The following FAAH2 variants were observed in gnomAD, a reference collection of about 807,000 sequenced individuals.
FAAH2 encodes fatty-acid amide hydrolase 2.
Under a neutral mutation model 36.9 loss-of-function variants are expected in FAAH2, and 60 were observed. That is an observed-to-expected ratio of 1.63 (90% CI 1.32 to 2.02). The LOEUF (loss-of-function observed/expected upper bound fraction) is 2.02, where lower values mean the gene tolerates loss of function less well. FAAH2 is among the 30% of genes most tolerant of loss of function. FAAH2 has a pLI of 0.00. For missense variants in FAAH2, 689 were observed against 397.5 expected (o/e 1.73, Z -6.23); for synonymous variants, 214 against 143.8 (o/e 1.49, Z -3.49).
the FAAH2 span, among the ~76,000 whole-genome samples, chrX:57,241,831 A>G: frequency 9.0e-6 from 1 of 111,566 alleles, no homozygotes; most frequent in African/African-American, 3.3e-5. Context: ...ACTTAGAATA[A>G]TGGCCTCCGG....
the FAAH2 span, among the ~76,000 whole-genome samples, chrX:57,277,602 G>T: frequency 9.0e-6 from 1 of 111,639 alleles, no homozygotes; most frequent in Non-Finnish European, 1.9e-5. Flanking sequence ...GAAATAAAGG[G>T]TATTCAATTA....
At chrX:57,284,396 A>AC (rs2051781778), upstream of FAAH2, among the ~76,000 whole-genome samples, 1 of 107,108 alleles carries the variant, frequency 9.3e-6, no homozygotes, top group African/African-American at 3.5e-5. Flanking sequence ...TAACAAAACA[A>AC]AACAACAACA....
At chrX:57,160,880 G>A in the FAAH2 span, among the ~76,000 whole-genome samples, 1 of 111,765 alleles carries the variant, frequency 8.9e-6, no homozygotes, top group Admixed American at 9.5e-5. Context: ...TCTGATCTTA[G>A]TTATTTCTTG....
intron 2 of FAAH2, among the ~76,000 whole-genome samples, chrX:57,308,316 T>C (rs901827892): frequency 1.3e-4 from 15 of 111,647 alleles, no homozygotes; most frequent in South Asian, 1.1e-3. Context: ...CTTTTAATAA[T>C]AGCCATTCTG....
chrX:57,394,198 G>A, intron 7 of FAAH2: 1 of 654,918 alleles, frequency 1.5e-6, no homozygotes, highest in Non-Finnish European at 2.6e-6. Flanking sequence ...TTCCAAAGGT[G>A]GGGCCCTGAG....
chrX:57,468,317 C>A (rs186264612), intron 10 of FAAH2, among the ~76,000 whole-genome samples: 546 of 111,431 alleles, frequency 4.9e-3, no homozygotes, highest in Middle Eastern at 0.014. Flanking sequence ...GGAGCAAGTT[C>A]GAACCCAATG....
the FAAH2 span, among the ~76,000 whole-genome samples, chrX:57,267,539 C>T: frequency 1.8e-5 from 2 of 112,518 alleles, no homozygotes; most frequent in Non-Finnish European, 3.8e-5. Context: ...ATAACCCCAA[C>T]CCTTGGCTGC....
intron 10 of FAAH2, among the ~76,000 whole-genome samples, chrX:57,456,581 T>A (rs1325780388): frequency 9.0e-6 from 1 of 111,521 alleles, no homozygotes; most frequent in Non-Finnish European, 1.9e-5. Flanking sequence ...AAGATCCAAA[T>A]GAGCACAATG....
chrX:57,266,106 A>G, the FAAH2 span, among the ~76,000 whole-genome samples: 1 of 111,745 alleles, frequency 8.9e-6, no homozygotes, highest in East Asian at 2.8e-4. Flanking sequence ...CTATGAAAAC[A>G]TGGCCAGACT....
intron 8 of FAAH2, 56 bp from the exon 9 acceptor site, chrX:57,446,872 G>A (rs1157160003): frequency 1.1e-6 from 1 of 895,086 alleles, no homozygotes; most frequent in Non-Finnish European, 1.6e-6. Context: ...AGGTGTTTTG[G>A]TCTTTACTAT....
chrX:57,200,002 T>G, the FAAH2 span, among the ~76,000 whole-genome samples: 1 of 111,877 alleles, frequency 8.9e-6, no homozygotes, highest in Non-Finnish European at 1.9e-5. Flanking sequence ...GTGTTTCTTG[T>G]AGGCAACAGA....
intron 4 of FAAH2, among the ~76,000 whole-genome samples, chrX:57,335,111 C>T (rs1274556739): frequency 8.9e-6 from 1 of 111,991 alleles, no homozygotes; most frequent in Non-Finnish European, 1.9e-5. Flanking sequence ...TAAAACATTC[C>T]TCATTAAATG....
chrX:57,274,201 C>A, the FAAH2 span, among the ~76,000 whole-genome samples: 1 of 111,923 alleles, frequency 8.9e-6, no homozygotes, highest in Admixed American at 9.5e-5. Context: ...CCTCACAAGT[C>A]TAAGTCAGAA....
At chrX:57,199,595 A>G in the FAAH2 span, among the ~76,000 whole-genome samples, 4 of 111,737 alleles carry the variant, frequency 3.6e-5, no homozygotes, top group African/African-American at 1.3e-4. Context: ...TATTAGGTCT[A>G]TTTGGTCTAT....
At chrX:57,331,525 A>C (rs975555239) in intron 3 of FAAH2, 73 bp from the exon 4 acceptor site, 36 of 949,444 alleles carry the variant, frequency 3.8e-5, no homozygotes, top group Non-Finnish European at 5.2e-5. Context: ...CTAGTTGGCC[A>C]TCTTGCCCCT....
At chrX:57,395,943 G>T (rs774451591) in intron 7 of FAAH2, among the ~76,000 whole-genome samples, 1 of 111,788 alleles carries the variant, frequency 8.9e-6, no homozygotes, top group South Asian at 3.7e-4. Context: ...TGTATGTCTG[G>T]TAAAATCCAG....
At position 57,478,190 on chromosome X, in the gene FAAH2, A is replaced by G. The variant is rs184166530; in HGVS notation, c.1424-10567A>G. On this transcript the variant is annotated intron_variant, in intron 10 of 10. Transcript: ENST00000374900. Reference sequence around the variant, plus strand: ...TTTAATGATTGCCATTCGAACTGGTATGAGATGGTATCTCATTGTGGTTTT... The same window carrying G: ...TTTAATGATTGCCATTCGAACTGGTGTGAGATGGTATCTCATTGTGGTTTT... Among the ~76,000 whole-genome samples the G allele has an allele frequency of 5.4e-5, 6 of 111,923 alleles. No homozygotes were observed. In the East Asian group the frequency reaches 8.5e-4, roughly 16 times the overall value.
chrX:57,250,622 T>A, the FAAH2 span, among the ~76,000 whole-genome samples: 1 of 110,851 alleles, frequency 9.0e-6, no homozygotes, highest in Non-Finnish European at 1.9e-5. Flanking sequence ...ACACCATTAA[T>A]ATATATAATT....
chrX:57,275,689 A>C, the FAAH2 span, among the ~76,000 whole-genome samples: 1 of 111,731 alleles, frequency 9.0e-6, no homozygotes, highest in Non-Finnish European at 1.9e-5. Context: ...TCTCACGTGC[A>C]GGGACACAGA....
Sources: gnomAD v4.1 joint callset for allele counts (sites outside exome capture counted in the v4.1 genomes callset) on GRCh38, gnomAD v4.1.1 for gene constraint, MANE v1.5 for transcripts, NCBI Gene and HGNC (gene_info 2026-07-23, HGNC 2026-07-21) for gene names.